LAMA2: variants seen among roughly 807,000 people sequenced by gnomAD.
LAMA2 encodes laminin subunit alpha 2, also known as laminin subunit alpha-2.
LAMA2 carries 269 observed loss-of-function variants against 364.8 expected under a neutral mutation model. The observed-to-expected ratio is 0.74, with a 90% CI of 0.67 to 0.82. The LOEUF (loss-of-function observed/expected upper bound fraction) is 0.82, where lower values mean the gene tolerates loss of function less well. LAMA2 is among the 40% of genes least tolerant of loss of function. LAMA2 has a pLI of 0.00. For synonymous variants in LAMA2, 1,379 were observed against 1,370.6 expected (o/e 1.01, Z -0.14); for missense variants, 3,807 against 3,873.2 (o/e 0.98, Z 0.45).
chr6:128,927,037 A>G (rs1369115604), intron 1 of LAMA2, among the ~76,000 whole-genome samples: 2 of 152,220 alleles, frequency 1.3e-5, no homozygotes, highest in Non-Finnish European at 2.9e-5. Context: ...TGAGAGCTGC[A>G]GAACATAGAG....
At chr6:129,317,111 A>G (rs1245676358) in intron 27 of LAMA2, among the ~76,000 whole-genome samples, 2 of 152,218 alleles carry the variant, frequency 1.3e-5, no homozygotes, top group Non-Finnish European at 2.9e-5. Context: ...CCTCATGGTC[A>G]TATTCTTTGA....
At position 129,388,594 on chromosome 6, in the gene LAMA2, C is replaced by G. The variant is rs570006567; in HGVS notation, c.5072-2897C>G. ...TAGTGAGACTCTGTCTCTCATTTTT[C>G]CCTTCCTCTATACTGCCTAGGCCCA... is the stretch of plus-strand genomic sequence containing the variant. On this transcript the variant is annotated intron_variant, in intron 35 of 64. Transcript: ENST00000421865. Among the ~76,000 whole-genome samples, 5 of 152,092 alleles carry G rather than the reference C, an allele frequency of 3.3e-5. No individual in the cohort carries two copies. In the South Asian group the frequency reaches 1.0e-3, roughly 32 times the overall value.
rs265351 is a variant in LAMA2, at chr6:129,219,293, A to G, written c.1782+26440A>G. Among the ~76,000 whole-genome samples the G allele has an allele frequency of 3.8e-3, 577 of 152,306 alleles. 1 individual carries two copies. The highest frequency in any genetic ancestry group is 7.3e-3 in the Admixed American group (112 of 15,306). On this transcript the variant is annotated intron_variant, in intron 12 of 64. Coordinates refer to ENST00000421865, the MANE Select transcript of LAMA2 (RefSeq NM_000426.4). Reference sequence around the variant, plus strand: ...CACAATGAGATACCATCTCACACCAATTAGAATGGCAGTCATTAAAAAGTC... The same window carrying G: ...CACAATGAGATACCATCTCACACCAGTTAGAATGGCAGTCATTAAAAAGTC...
chr6:128,986,137 GT>G (rs1463182496), intron 1 of LAMA2, among the ~76,000 whole-genome samples: 19 of 152,094 alleles, frequency 1.2e-4, no homozygotes, highest in Non-Finnish European at 4.4e-5. Flanking sequence ...ATTCATTGCA[GT>G]TATGATTCTT....
At chr6:129,362,913 A>G (rs180746913) in intron 32 of LAMA2, among the ~76,000 whole-genome samples, 2 of 152,332 alleles carry the variant, frequency 1.3e-5, no homozygotes, top group African/African-American at 4.8e-5. Context: ...GACAGCAAGC[A>G]AAAGGACCTC....
At chr6:129,249,308 G>T (rs947309850) in intron 12 of LAMA2, among the ~76,000 whole-genome samples, 3 of 152,130 alleles carry the variant, frequency 2.0e-5, no homozygotes, top group African/African-American at 7.2e-5. Flanking sequence ...TTAAAAAAAG[G>T]ATTGCAGCAT....
chr6:129,153,100 T>C lies in LAMA2; in HGVS notation c.1028-1405T>C, dbSNP rs193105191. ...CTGGTTCTATCCTAATATAAATTCT[T>C]CATATTTAGAAGAGTCTTACCCAAT... is the stretch of plus-strand genomic sequence containing the variant. On this transcript the variant is annotated intron_variant, in intron 7 of 64. Transcript: ENST00000421865. 4.2e-3 allele frequency among the ~76,000 whole-genome samples: 647 copies of C among 152,316 alleles called. 4 individuals are homozygous for C. The highest frequency in any genetic ancestry group is 0.014 in the African/African-American group (601 of 41,570).
chr6:129,369,246 G>A (rs1036269229), intron 33 of LAMA2, among the ~76,000 whole-genome samples: 7 of 152,138 alleles, frequency 4.6e-5, no homozygotes, highest in African/African-American at 1.7e-4. Context: ...GGTTTTGTCT[G>A]CGCTTAGACA....
chr6:129,099,124 T>G (rs1399897296), intron 4 of LAMA2, among the ~76,000 whole-genome samples: 26 of 71,818 alleles, frequency 3.6e-4, no homozygotes, highest in Middle Eastern at 7.8e-3. Flanking sequence ...GTTTTTTTTT[T>G]GTTTTTTTTT....
intron 1 of LAMA2, among the ~76,000 whole-genome samples, chr6:129,031,686 C>T (rs895746906): frequency 5.3e-5 from 8 of 152,146 alleles, no homozygotes; most frequent in African/African-American, 1.9e-4. Flanking sequence ...ACAATACATA[C>T]ATCTTTTTAA....
chr6:129,160,364 A>G (rs1452687064), intron 8 of LAMA2, among the ~76,000 whole-genome samples: 3 of 152,098 alleles, frequency 2.0e-5, no homozygotes, highest in Admixed American at 1.3e-4. Context: ...CTAAATTGTC[A>G]AATCATTGGC....
rs181970525 is a variant in LAMA2 at position 128,896,048 on chromosome 6, C to T, written c.112+12691C>T. Among the ~76,000 whole-genome samples, 11 of 152,258 alleles carry T rather than the reference C, an allele frequency of 7.2e-5. No homozygotes were observed. In the East Asian group the frequency reaches 2.1e-3, roughly 29 times the overall value. On this transcript the variant is annotated intron_variant, in intron 1 of 64. Transcript: ENST00000421865. ...ACCAAATTTTTCACTCTTCAAGGGC[C>T]TCATACTGCTCTGATTTCAGATGTA...
intron 4 of LAMA2, among the ~76,000 whole-genome samples, chr6:129,118,804 T>C (rs1220574206): frequency 6.6e-6 from 1 of 152,186 alleles, no homozygotes; most frequent in Non-Finnish European, 1.5e-5. Flanking sequence ...TGTTTTTAAT[T>C]GCTTCCCTAA....
At chr6:129,503,876 G>A (rs564190850) in intron 60 of LAMA2, among the ~76,000 whole-genome samples, 5 of 152,236 alleles carry the variant, frequency 3.3e-5, no homozygotes, top group South Asian at 2.1e-4. Context: ...CTTTAAAAAC[G>A]TTGGCCTTAC....
At chr6:129,260,096 C>T (rs1787014938) in intron 14 of LAMA2, among the ~76,000 whole-genome samples, 1 of 151,908 alleles carries the variant, frequency 6.6e-6, no homozygotes, top group Non-Finnish European at 1.5e-5. Flanking sequence ...CCAGATTGTA[C>T]AAAAGTACCA....
intron 1 of LAMA2, among the ~76,000 whole-genome samples, chr6:128,972,068 A>G (rs963452151): frequency 6.6e-6 from 1 of 152,208 alleles, no homozygotes; most frequent in Non-Finnish European, 1.5e-5. Context: ...CTAGGTGCAT[A>G]GAATGTTAGG....
chr6:129,384,730 C>T (rs9483028), intron 35 of LAMA2, among the ~76,000 whole-genome samples: 35 of 152,134 alleles, frequency 2.3e-4, no homozygotes, highest in Non-Finnish European at 2.9e-4. Context: ...CCAAATCCCA[C>T]GTCTATACAC....
intron 12 of LAMA2, among the ~76,000 whole-genome samples, chr6:129,247,569 A>C (rs549970403): frequency 2.0e-5 from 3 of 152,262 alleles, no homozygotes; most frequent in Non-Finnish European, 4.4e-5. Context: ...AATATTGTGT[A>C]AATGGGTAAC....
chr6:129,165,772 C>T (rs1008071813), intron 9 of LAMA2, 97 bp downstream of exon 9: 3 of 789,942 alleles, frequency 3.8e-6, no homozygotes, highest in Non-Finnish European at 6.6e-6. Context: ...AAATGTTATT[C>T]ATGTAATAAA....
Sources: allele counts gnomAD v4.1 joint callset (sites outside exome capture counted in the v4.1 genomes callset), GRCh38; gene constraint gnomAD v4.1.1; transcripts MANE v1.5; gene names NCBI Gene and HGNC (gene_info 2026-07-23, HGNC 2026-07-21).